The following ZSCAN5A variants were observed in gnomAD, a reference collection of about 807,000 sequenced individuals.
ZSCAN5A encodes the protein zinc finger and SCAN domain-containing protein 5A.
A neutral mutation model predicts 23.7 loss-of-function variants in ZSCAN5A; 12 were observed. The ratio of observed to expected loss-of-function variants is 0.51; its 90% CI spans 0.32 to 0.82. ZSCAN5A has a LOEUF of 0.82. ZSCAN5A is among the 40% of genes least tolerant of loss of function. The pLI is 0.03. For synonymous variants in ZSCAN5A, 257 were observed against 239.9 expected, an observed-to-expected ratio of 1.07 and a Z score of -0.66; for missense variants, 597 against 617.9, an observed-to-expected ratio of 0.97 and a Z score of 0.36.
At chr19:56,308,772 G>T (rs1159086243) in intron 2 of ZSCAN5A, among the ~76,000 whole-genome samples, 1 of 152,164 alleles carries the variant, frequency 6.6e-6, no homozygotes, top group Non-Finnish European at 1.5e-5. Flanking sequence ...TTTGGTTCAG[G>T]AACCAACAGC....
chr19:56,253,451 G>T (rs912007005), intron 2 of ZSCAN5A, among the ~76,000 whole-genome samples: 2 of 152,126 alleles, frequency 1.3e-5, no homozygotes, highest in Middle Eastern at 3.2e-3. Flanking sequence ...CAGGATCATA[G>T]AACTTGTAAA....
At chr19:56,360,907 T>C (rs2041730059) in intron 2 of ZSCAN5A, among the ~76,000 whole-genome samples, 1 of 152,126 alleles carries the variant, frequency 6.6e-6, no homozygotes, top group South Asian at 2.1e-4. Context: ...ATAAGCAACC[T>C]ACAGCATGGA....
At chr19:56,293,321 G>A (rs189742844) in intron 2 of ZSCAN5A, among the ~76,000 whole-genome samples, 1 of 152,260 alleles carries the variant, frequency 6.6e-6, no homozygotes, top group East Asian at 1.9e-4. Flanking sequence ...CCAGTCAGGT[G>A]CAGAGAATAA....
intron 2 of ZSCAN5A, among the ~76,000 whole-genome samples, chr19:56,237,489 C>G (rs977376979): frequency 2.0e-5 from 3 of 152,130 alleles, no homozygotes; most frequent in Admixed American, 2.0e-4. Context: ...GTAGGCTAGG[C>G]TAAACTCTGA....
At chr19:56,224,218 A>T in intron 3 of ZSCAN5A, 1 of 252,986 alleles carries the variant, frequency 4.0e-6, no homozygotes, top group Non-Finnish European at 7.5e-6. Context: ...GATACCAACC[A>T]CTTTCCCTGC....
chr19:56,293,951 T>G (rs16987171), intron 2 of ZSCAN5A, among the ~76,000 whole-genome samples: 12,658 of 151,966 alleles, frequency 0.083, 847 homozygotes, highest in African/African-American at 0.19. Flanking sequence ...TCAGCAAGGG[T>G]CTGTGAGGAC....
At chr19:56,282,364 C>T (rs1218218999) in intron 2 of ZSCAN5A, 1 of 387,308 alleles carries the variant, frequency 2.6e-6, no homozygotes, top group Non-Finnish European at 3.5e-6. Context: ...ATCTCAGGAC[C>T]TATGGGGTGC....
At chr19:56,334,096 A>C (rs74599882) in intron 2 of ZSCAN5A, among the ~76,000 whole-genome samples, 1 of 152,334 alleles carries the variant, frequency 6.6e-6, no homozygotes, top group East Asian at 1.9e-4. Flanking sequence ...ACAAGTCTGG[A>C]ATGGGCAGGC....
At chr19:56,311,028 C>A (rs1351765762) in intron 2 of ZSCAN5A, among the ~76,000 whole-genome samples, 2 of 152,140 alleles carry the variant, frequency 1.3e-5, no homozygotes, top group African/African-American at 4.8e-5. Flanking sequence ...AATACTTTTA[C>A]CATTTTGTTT....
At chr19:56,362,157 C>CA (rs71184352) in intron 2 of ZSCAN5A, among the ~76,000 whole-genome samples, 1,489 of 90,622 alleles carry the variant, frequency 0.016, 16 homozygotes, top group African/African-American at 0.038. Context: ...GACTCCGTCT[C>CA]AAAAAAAAAA....
chr19:56,366,114 C>T (rs1044586396), intron 1 of ZSCAN5A, among the ~76,000 whole-genome samples: 23 of 152,238 alleles, frequency 1.5e-4, no homozygotes, highest in African/African-American at 4.8e-4. Context: ...CTCTTGCCAC[C>T]CTGTCCCACT....
intron 2 of ZSCAN5A, among the ~76,000 whole-genome samples, chr19:56,250,628 G>A (rs1409369240): frequency 6.6e-6 from 1 of 152,110 alleles, no homozygotes; most frequent in African/African-American, 2.4e-5. Flanking sequence ...AGCATCTTGA[G>A]GCCAGTGTCT....
intron 2 of ZSCAN5A, among the ~76,000 whole-genome samples, chr19:56,348,434 C>T (rs2041648215): frequency 6.6e-6 from 1 of 152,174 alleles, no homozygotes; most frequent in African/African-American, 2.4e-5. Context: ...TTACAGCCCA[C>T]ATAATGTAGC....
intron 2 of ZSCAN5A, among the ~76,000 whole-genome samples, chr19:56,323,164 G>C (rs2147426225): frequency 6.6e-6 from 1 of 152,158 alleles, no homozygotes; most frequent in South Asian, 2.1e-4. Context: ...AAAGTGCTGG[G>C]ATTACAGGCG....
At chr19:56,309,892 TA>T (rs763681011) in intron 2 of ZSCAN5A, among the ~76,000 whole-genome samples, 47 of 151,996 alleles carry the variant, frequency 3.1e-4, no homozygotes, top group Non-Finnish European at 5.3e-4. Context: ...CTAGGGTCCA[TA>T]AGATCTGAGG....
intron 2 of ZSCAN5A, among the ~76,000 whole-genome samples, chr19:56,288,564 T>A (rs2039296533): frequency 6.6e-6 from 1 of 152,190 alleles, no homozygotes; most frequent in African/African-American, 2.4e-5. Flanking sequence ...GTCTGTGAGC[T>A]CCCTGAGCAG....
intron 2 of ZSCAN5A, chr19:56,285,067 G>T (rs746620047): frequency 1.0e-6 from 1 of 966,108 alleles, no homozygotes; most frequent in Non-Finnish European, 1.2e-6. Context: ...TCTTTCTCTT[G>T]TCCGCAAGGT....
intron 2 of ZSCAN5A, among the ~76,000 whole-genome samples, chr19:56,262,493 C>T (rs2037197357): frequency 6.6e-6 from 1 of 151,352 alleles, no homozygotes; most frequent in African/African-American, 2.4e-5. Context: ...ATGATCTTGG[C>T]TCACTGCAAC....
chr19:56,280,588 C>T (rs925430188), intron 2 of ZSCAN5A: 2 of 151,888 alleles, frequency 1.3e-5, no homozygotes, highest in Non-Finnish European at 2.9e-5. Flanking sequence ...AACAGAATAC[C>T]TGAGACTGGA....
Sources: allele counts gnomAD v4.1 joint callset (sites outside exome capture counted in the v4.1 genomes callset), GRCh38; gene constraint gnomAD v4.1.1; transcripts MANE v1.5; gene names NCBI Gene and HGNC (gene_info 2026-07-23, HGNC 2026-07-21).